The following CCDC3 variants were observed in gnomAD, a reference collection of about 807,000 sequenced individuals.
CCDC3 encodes the protein coiled-coil domain containing 3.
In CCDC3, 24 loss-of-function variants were observed where a neutral mutation model predicts 21.4. That is an observed-to-expected ratio of 1.12 (90% CI 0.81 to 1.58). The LOEUF (loss-of-function observed/expected upper bound fraction) is 1.58. Among genes scored for constraint, CCDC3 ranks in the 40% most tolerant of loss-of-function variants. The probability of loss-of-function intolerance (pLI) is 0.00; values close to 1 mark genes in which losing one functional copy is unlikely to be tolerated. For synonymous variants in CCDC3, 186 were observed against 166.0 expected (o/e 1.12, Z -0.93); for missense variants, 425 against 360.9 (o/e 1.18, Z -1.44).
rs144360420 is a variant in CCDC3 at position 12,996,527 on chromosome 10, G to A, written c.549+1811C>T. 1.5e-3 allele frequency among the ~76,000 whole-genome samples: 232 copies of A among 152,200 alleles called. 1 individual carries two copies. Among genetic ancestry groups the A allele is most frequent in the African/African-American group, 5.3e-3 (219 of 41,508 alleles). ...ATTTTTGTATTTTTAGTAGAGACAG[G>A]GTTTCGCCATGTTGGCCAGGCTGGT... On this transcript the variant is annotated intron_variant, in intron 2 of 2. Transcript: ENST00000378825.
chr10:13,052,938 TCACACACACA>T (rs56261341), intron 4 of CCDC3, among the ~76,000 whole-genome samples: 3,789 of 134,390 alleles, frequency 0.028, 63 homozygotes, highest in East Asian at 0.069. Context: ...TGAGACTCTG[TCACACACACA>T]CACACACACA....
chr10:12,899,072 C>T (rs948625275), intron 2 of CCDC3, among the ~76,000 whole-genome samples: 31 of 152,086 alleles, frequency 2.0e-4, no homozygotes, highest in African/African-American at 7.0e-4. Flanking sequence ...TTAACAAAGG[C>T]TGAGCCACTT....
chr10:13,096,901 C>G (rs1479685328), intron 3 of CCDC3, among the ~76,000 whole-genome samples: 1 of 152,154 alleles, frequency 6.6e-6, no homozygotes, highest in Non-Finnish European at 1.5e-5. Flanking sequence ...TCCACCCCAC[C>G]CAGCTCTGGC....
intron 2 of CCDC3, among the ~76,000 whole-genome samples, chr10:12,988,529 A>G (rs1347784472): frequency 6.6e-6 from 1 of 152,090 alleles, no homozygotes; most frequent in Non-Finnish European, 1.5e-5. Context: ...TTTTTAGTAG[A>G]GACAGAGTTT....
intron 3 of CCDC3, among the ~76,000 whole-genome samples, chr10:13,076,793 T>C (rs1013510744): frequency 5.3e-5 from 8 of 152,254 alleles, no homozygotes; most frequent in Non-Finnish European, 1.2e-4. Flanking sequence ...TTGTTCTCCA[T>C]TGCTTTCACC....
chr10:12,967,059 G>C (rs1835272691), intron 2 of CCDC3, among the ~76,000 whole-genome samples: 1 of 152,162 alleles, frequency 6.6e-6, no homozygotes, highest in South Asian at 2.1e-4. Flanking sequence ...TGAACAAGCT[G>C]AGCGATTTAC....
At chr10:13,067,015 G>T (rs1386190932) in intron 4 of CCDC3, among the ~76,000 whole-genome samples, 2 of 152,204 alleles carry the variant, frequency 1.3e-5, no homozygotes, top group East Asian at 3.9e-4. Flanking sequence ...TGGCTCCTAG[G>T]TGTGGGGCTT....
intron 2 of CCDC3, among the ~76,000 whole-genome samples, chr10:12,979,515 C>G (rs1221361813): frequency 3.3e-5 from 5 of 151,948 alleles, no homozygotes; most frequent in Non-Finnish European, 7.4e-5. Flanking sequence ...GTGTCTGGGA[C>G]CACAGGCACA....
At chr10:13,077,823 T>A (rs1287745584) in intron 3 of CCDC3, among the ~76,000 whole-genome samples, 1 of 152,246 alleles carries the variant, frequency 6.6e-6, no homozygotes, top group Non-Finnish European at 1.5e-5. Flanking sequence ...AAGCTGAAAC[T>A]GGATCCCTTC....
At chr10:13,082,743 A>G (rs1837058303) in intron 3 of CCDC3, among the ~76,000 whole-genome samples, 2 of 152,212 alleles carry the variant, frequency 1.3e-5, no homozygotes, top group South Asian at 4.1e-4. Flanking sequence ...GGCGTGACAG[A>G]GGGCTCACAC....
chr10:12,914,334 T>G (rs1439436389), intron 2 of CCDC3, among the ~76,000 whole-genome samples: 1 of 152,210 alleles, frequency 6.6e-6, no homozygotes, highest in Non-Finnish European at 1.5e-5. Flanking sequence ...AATTTATCCA[T>G]TTCTTGTAAG....
chr10:13,099,557 A>G (rs1266339535), exon 1 of CCDC3: 9 of 151,908 alleles, frequency 5.9e-5, no homozygotes, highest in Non-Finnish European at 2.9e-5. Context: ...CCACACCAGC[A>G]GAGGCTATTC....
intron 2 of CCDC3, among the ~76,000 whole-genome samples, chr10:12,942,700 G>T (rs1035339552): frequency 2.0e-5 from 3 of 152,180 alleles, no homozygotes; most frequent in Non-Finnish European, 4.4e-5. Flanking sequence ...TGGCACACCT[G>T]GTCCTACCAA....
At chr10:13,084,577 G>A (rs549848719) in intron 3 of CCDC3, among the ~76,000 whole-genome samples, 20 of 152,104 alleles carry the variant, frequency 1.3e-4, no homozygotes, top group African/African-American at 2.2e-4. Context: ...ATGAGCCACC[G>A]CGCCCGGCCC....
Position 13,023,479 on chromosome 10 carries a change from G to C in CCDC3, c.-1-24967C>G, listed in dbSNP as rs532538624. Among the ~76,000 whole-genome samples the C allele has an allele frequency of 6.0e-4, 92 of 152,234 alleles. 3 individuals carry two copies. In the South Asian group the frequency reaches 0.018, roughly 31 times the overall value. ...AGGGTTCCTCCTAGCTTAGTGGCTA[G>C]GTTTCAAGAAGACCTGTTCTAAGAG... On this transcript the variant is annotated intron_variant, in intron 5 of 6. Transcript: ENST00000378839.
chr10:12,978,428 C>T (rs1033747228), intron 2 of CCDC3, among the ~76,000 whole-genome samples: 11 of 152,228 alleles, frequency 7.2e-5, no homozygotes, highest in Non-Finnish European at 1.5e-4. Context: ...TCCTTTTACA[C>T]TTTAACTCGA....
At chr10:13,039,662 G>C (rs1330400065) in intron 5 of CCDC3, among the ~76,000 whole-genome samples, 3 of 152,110 alleles carry the variant, frequency 2.0e-5, no homozygotes, top group African/African-American at 7.2e-5. Flanking sequence ...GATTAAAGTT[G>C]GGAGAGTGCA....
intron 5 of CCDC3, among the ~76,000 whole-genome samples, chr10:13,042,458 C>T (rs75032742): frequency 0.011 from 1,656 of 152,288 alleles, 26 homozygotes; most frequent in African/African-American, 0.038. Flanking sequence ...GTTGGTTATC[C>T]GGTATGAAAG....
At chr10:13,088,596 G>A (rs1837140676) in intron 3 of CCDC3, among the ~76,000 whole-genome samples, 1 of 152,170 alleles carries the variant, frequency 6.6e-6, no homozygotes, top group Non-Finnish European at 1.5e-5. Flanking sequence ...TGAGGCTACC[G>A]AGGGAATGGA....
Sources: gnomAD v4.1 joint callset for allele counts (sites outside exome capture counted in the v4.1 genomes callset) on GRCh38, gnomAD v4.1.1 for gene constraint, MANE v1.5 for transcripts, NCBI Gene and HGNC (gene_info 2026-07-23, HGNC 2026-07-21) for gene names.